The following DNAH12 variants were observed in gnomAD, a reference collection of about 807,000 sequenced individuals.
DNAH12 encodes axonemal beta dynein heavy chain 12.
A neutral mutation model predicts 371.5 loss-of-function variants in DNAH12; 285 were observed. That is an observed-to-expected ratio of 0.77 (90% CI 0.70 to 0.85). DNAH12 has a LOEUF of 0.85. Ranked by LOEUF, DNAH12 falls within the 40% of genes least tolerant of loss-of-function variation. DNAH12 has a pLI of 0.00. For missense variants in DNAH12, 3,611 were observed against 3,689.4 expected (o/e 0.98, Z 0.55); for synonymous variants, 1,200 against 1,213.0 (o/e 0.99, Z 0.22).
chr3:57,408,276 T>A lies in DNAH12; in HGVS notation c.6276+4A>T, dbSNP rs573571867. ...AAAACATTTACATTGCATTATTGAC[T>A]GACCTCCATAGTCCCATTGACTATC... On this transcript the variant is annotated splice_donor_region_variant and intron_variant, in intron 40 of 73. Coordinates refer to ENST00000495027, the MANE Select transcript of DNAH12 (RefSeq NM_001366028.2). The A allele has an allele frequency of 1.5e-5, 23 of 1,528,404 alleles. No homozygotes were observed. The highest frequency in any genetic ancestry group is 1.8e-5 in the Non-Finnish European group (21 of 1,137,610). The allele number at this position is 1,528,404 out of a possible 1,614,324, so 94.7% of individuals were successfully genotyped here.
intron 62 of DNAH12, among the ~76,000 whole-genome samples, chr3:57,331,525 C>A (rs2062095388): frequency 1.3e-5 from 2 of 152,094 alleles, no homozygotes; most frequent in South Asian, 4.1e-4. Context: ...CTTTGGGAAT[C>A]AGGGTAAGGA....
chr3:57,299,505 T>TA (rs567855065), intron 70 of DNAH12, among the ~76,000 whole-genome samples: 1,541 of 151,304 alleles, frequency 0.01, 8 homozygotes, highest in Non-Finnish European at 0.016. Context: ...GTTTTTTTTT[T>TA]AAAAAAAAGG....
In DNAH12 at chr3:57,405,099, G is replaced by T; in HGVS notation, c.6625C>A (p.Pro2209Thr). 1.9e-6 allele frequency: 3 copies of T among 1,542,054 alleles called. No homozygotes were observed. Among genetic ancestry groups the T allele is most frequent in the Non-Finnish European group, 1.7e-6 (2 of 1,144,212 alleles). ...RNLMFGDYMNPDLEGDDRVYI... is the reference protein window; with the variant it reads ...RNLMFGDYMNTDLEGDDRVYI... ...ACTCTATCATCTCCTTCAAGGTCAG[G>T]ATTCATATAATCACCAAACATGAGA... Residue 2209 changes from proline (P) to threonine (T), a missense_variant, in exon 42 of 74, where the codon CCT becomes ACT. Physicochemically the swap from Pro to Thr is conservative, Grantham distance 38 (BLOSUM62 -1). This residue lies in a region of DNAH12 where 2,266 missense variants were observed against 2,236.9 expected (regional missense o/e 1.01). Transcript: ENST00000495027.
chr3:57,293,719 A>AT lies in DNAH12; in HGVS notation c.*61dup. The AT allele has an allele frequency of 4.7e-6, 7 of 1,480,166 alleles. No individual in the cohort carries two copies. The highest frequency in any genetic ancestry group is 6.3e-6 in the Non-Finnish European group (7 of 1,104,298). 91.7% of individuals were successfully genotyped at this position (1,480,166 alleles called of 1,614,324 possible). A position where few individuals can be genotyped will look rare whatever the true frequency, so the allele number is the denominator to read the frequency against. ...AAACACTTGGTTTTATAATGTATAT[A>AT]TTTTAAGTAGGACAGGTTTTTTTTT... On this transcript the variant is annotated 3_prime_UTR_variant, in exon 74 of 74. Transcript: ENST00000495027.
At chr3:57,433,868 A>T in intron 30 of DNAH12, 40 bp from the exon 31 acceptor site, 2 of 1,429,234 alleles carry the variant, frequency 1.4e-6, no homozygotes, top group Non-Finnish European at 1.8e-6. Context: ...AAGAGTCTTT[A>T]AAGAGTTAAA....
In DNAH12 at chr3:57,307,424, G is replaced by C. The variant is rs866684376; in HGVS notation, c.11189+1727C>G. On this transcript the variant is annotated intron_variant, in intron 69 of 73. Coordinates refer to ENST00000495027, the MANE Select transcript of DNAH12 (RefSeq NM_001366028.2). ...ACCCACAGCCCAAATACGGGGCTGTGCAGTCAGAATTCTTACACAAGAACT... is the reference window on the plus strand; with the variant it reads ...ACCCACAGCCCAAATACGGGGCTGTCCAGTCAGAATTCTTACACAAGAACT... Among the ~76,000 whole-genome samples the C allele has an allele frequency of 1.2e-4, 18 of 152,174 alleles. No individual in the cohort carries two copies. In the Middle Eastern group the frequency reaches 0.01, roughly 86 times the overall value.
intron 43 of DNAH12, among the ~76,000 whole-genome samples, chr3:57,398,293 G>T (rs1451248243): frequency 6.6e-6 from 1 of 152,102 alleles, no homozygotes; most frequent in African/African-American, 2.4e-5. Context: ...GGGATTTATG[G>T]TACACCATCA....
At chr3:57,417,259 T>A (rs1575573075) in intron 37 of DNAH12, among the ~76,000 whole-genome samples, 1 of 151,666 alleles carries the variant, frequency 6.6e-6, no homozygotes, top group Non-Finnish European at 1.5e-5. Flanking sequence ...TAAAAAAAAA[T>A]TTAAAAAAAG....
chr3:57,535,838 C>G (rs1442881275), intron 2 of DNAH12, among the ~76,000 whole-genome samples: 1 of 119,794 alleles, frequency 8.3e-6, no homozygotes, highest in African/African-American at 3.8e-5. Context: ...CACCACACCC[C>G]AATTTTTTTT....
intron 22 of DNAH12, among the ~76,000 whole-genome samples, chr3:57,456,449 T>C (rs539958385): frequency 6.6e-6 from 1 of 152,346 alleles, no homozygotes; most frequent in South Asian, 2.1e-4. Flanking sequence ...GGCAGAAATA[T>C]ACGTGTTTAT....
intron 58 of DNAH12, among the ~76,000 whole-genome samples, chr3:57,358,664 C>A (rs2062853201): frequency 6.6e-6 from 1 of 152,158 alleles, no homozygotes; most frequent in Non-Finnish European, 1.5e-5. Flanking sequence ...TTAATGACAT[C>A]TTATGTAAGA....
upstream of DNAH12, among the ~76,000 whole-genome samples, chr3:57,545,555 T>G (rs896431519): frequency 5.9e-5 from 9 of 152,064 alleles, no homozygotes; most frequent in South Asian, 2.1e-4. Flanking sequence ...GCTCTCGCTC[T>G]GTCACCCAGG....
chr3:57,518,742 G>T (rs890825248), intron 4 of DNAH12, among the ~76,000 whole-genome samples: 6 of 152,152 alleles, frequency 3.9e-5, no homozygotes, highest in African/African-American at 1.4e-4. Flanking sequence ...TGAGTAACCG[G>T]ATTGATGGTG....
intron 59 of DNAH12, 84 bp downstream of exon 59, chr3:57,357,092 T>C (rs1029498523): frequency 6.6e-6 from 1 of 152,128 alleles, no homozygotes; most frequent in Non-Finnish European, 1.5e-5. Flanking sequence ...TATATAAGTT[T>C]TAAAAAAAAG....
intron 11 of DNAH12, among the ~76,000 whole-genome samples, chr3:57,499,693 G>T (rs1489644441): frequency 1.1e-5 from 1 of 92,000 alleles, no homozygotes; most frequent in South Asian, 4.2e-4. Flanking sequence ...AAAAAAATTA[G>T]CCAGGCATGG....
chr3:57,466,767 A>C (rs1337703783), intron 17 of DNAH12, among the ~76,000 whole-genome samples: 1 of 151,734 alleles, frequency 6.6e-6, no homozygotes, highest in Non-Finnish European at 1.5e-5. Context: ...TTTTTTTTTG[A>C]GACAGGGTCT....
intron 13 of DNAH12, among the ~76,000 whole-genome samples, chr3:57,476,496 G>A (rs532562109): frequency 2.6e-5 from 4 of 152,254 alleles, no homozygotes; most frequent in South Asian, 4.1e-4. Flanking sequence ...CCCAGGAGGC[G>A]GAGGTTGCAG....
chr3:57,429,179 AT>A (rs138125857), intron 33 of DNAH12, among the ~76,000 whole-genome samples: 7,407 of 147,432 alleles, frequency 0.05, 248 homozygotes, highest in African/African-American at 0.094. Context: ...CTCTCCACAC[AT>A]TTTTTTTTTT....
At chr3:57,504,284 C>CAGA in intron 8 of DNAH12, 80 bp from the exon 9 acceptor site, 1 of 1,238,210 alleles carries the variant, frequency 8.1e-7, no homozygotes, top group Non-Finnish European at 1.1e-6. Context: ...TTATAATTGT[C>CAGA]TATATCTGAT....
Sources: gnomAD v4.1 joint callset for allele counts (sites outside exome capture counted in the v4.1 genomes callset) on GRCh38, gnomAD v4.1.1 for gene constraint, gnomAD v4.1.1 regional missense constraint, MANE v1.5 for transcripts, NCBI Gene and HGNC (gene_info 2026-07-23, HGNC 2026-07-21) for gene names.